RFTN1: variants seen among roughly 807,000 people sequenced by gnomAD.
The protein encoded by RFTN1 is raftlin.
RFTN1 carries 26 observed loss-of-function variants against 46.5 expected under a neutral mutation model. The ratio of observed to expected loss-of-function variants is 0.56; its 90% CI spans 0.41 to 0.78. The LOEUF (loss-of-function observed/expected upper bound fraction) is 0.78. Ranked by LOEUF, RFTN1 falls within the 30% of genes least tolerant of loss-of-function variation. RFTN1 has a pLI of 0.00. For missense variants in RFTN1, 693 were observed against 718.7 expected (o/e 0.96, Z 0.41); for synonymous variants, 261 against 284.2 (o/e 0.92, Z 0.82).
rs551958935 is a variant in RFTN1, at chr3:16,466,381, ATAG to A, written c.145+27341_145+27343del. 2.6e-5 allele frequency among the ~76,000 whole-genome samples: 4 copies of A among 152,246 alleles called. No individual in the cohort carries two copies. The highest frequency in any genetic ancestry group is 5.9e-5 in the Non-Finnish European group (4 of 68,032). ...AAATCTCTGTTGTTATTTACCTATGATAGTAAAAATATTGCAAAAATTACCAAA... is the reference window on the plus strand; with the variant it reads ...AAATCTCTGTTGTTATTTACCTATGATAAAAATATTGCAAAAATTACCAAA... On this transcript the variant is annotated intron_variant, in intron 2 of 9. Coordinates refer to ENST00000334133, the MANE Select transcript of RFTN1 (RefSeq NM_015150.2). The surrounding 1 kb of genome is among the most constrained non-coding windows in gnomAD (Gnocchi z 5.6).
intron 2 of RFTN1, among the ~76,000 whole-genome samples, chr3:16,487,231 C>G (rs2076461869): frequency 1.3e-5 from 2 of 152,252 alleles, no homozygotes; most frequent in Admixed American, 6.5e-5. Flanking sequence ...CAAATGTCCC[C>G]AAGACATGGC....
intron 3 of RFTN1, 46 bp from the exon 4 acceptor site, chr3:16,409,529 A>G: frequency 7.4e-7 from 1 of 1,355,314 alleles, no homozygotes; most frequent in Non-Finnish European, 1.1e-6. Context: ...AATATCTTGC[A>G]TAATTTGGAG....
rs2076400818 is a variant in RFTN1 at position 16,483,509 on chromosome 3, C to G, written c.145+10216G>C. Reference sequence around the variant, plus strand: ...ACAGAACCAAACCACAACACCAAGACTGACTTAATGGGTCTGGTGTGCAGC... The same window carrying G: ...ACAGAACCAAACCACAACACCAAGAGTGACTTAATGGGTCTGGTGTGCAGC... On this transcript the variant is annotated intron_variant, in intron 2 of 9. Transcript: ENST00000334133. The surrounding 1 kb of genome is among the most constrained non-coding windows in gnomAD (Gnocchi z 4.8). Among the ~76,000 whole-genome samples the G allele has an allele frequency of 6.6e-6, 1 of 152,196 alleles. No homozygotes were observed. Among genetic ancestry groups the G allele is most frequent in the Admixed American group, 6.5e-5 (1 of 15,276 alleles).
rs1052420627 is a variant in RFTN1 at position 16,442,475 on chromosome 3, A to G, written c.146-8438T>C. On this transcript the variant is annotated intron_variant, in intron 2 of 9. Transcript: ENST00000334133. The surrounding 1 kb of genome is among the most constrained non-coding windows in gnomAD (Gnocchi z 4.1). ...TAATGGATTTTTGTTGTGTATATTC[A>G]AGGTGTACAACATGATGCCTCAATG... 1.3e-5 allele frequency among the ~76,000 whole-genome samples: 2 copies of G among 152,138 alleles called. No individual in the cohort carries two copies. The highest frequency in any genetic ancestry group is 2.9e-5 in the Non-Finnish European group (2 of 68,026).
intron 7 of RFTN1, among the ~76,000 whole-genome samples, chr3:16,330,213 G>T (rs148215891): frequency 2.6e-5 from 4 of 152,306 alleles, no homozygotes; most frequent in East Asian, 3.9e-4. Flanking sequence ...GAGTTGACAA[G>T]TAAAATACAA....
rs771725465 is a variant in RFTN1, at chr3:16,433,955, G to A, written c.228C>T (p.Gly76=). 2.3e-5 allele frequency: 37 copies of A among 1,614,000 alleles called. No individual in the cohort carries two copies. Among genetic ancestry groups the A allele is most frequent in the Non-Finnish European group, 3.1e-5 (36 of 1,180,028 alleles). Residue 76 remains glycine (G), a synonymous_variant, in exon 3 of 10, where the codon GGC becomes GGT. Transcript: ENST00000334133. This position sits in a 1 kb window ranked among gnomAD's most constrained non-coding sequence, Gnocchi z 4.4. ...AGGGGTGCAGGGCCGCCAGCGAGAA[G>A]CCCTGCTGGTACAGCTCCAGGAGCT... is the stretch of plus-strand genomic sequence containing the variant. ...PAQLLELYQQ[G]FSLAALHPFV...
At position 16,317,738 on chromosome 3, in the gene RFTN1, C is replaced by A. The variant is rs1004455116; in HGVS notation, c.1333-506G>T. On this transcript the variant is annotated intron_variant, in intron 9 of 9. Transcript: ENST00000334133. The surrounding 1 kb of genome is among the most constrained non-coding windows in gnomAD (Gnocchi z 4.3). ...ACTGTGCTGTACCGCTCAGATCCCC[C>A]CACAGGACTGGCGGGCCCGCTCCCC... is the stretch of plus-strand genomic sequence containing the variant. 6.6e-6 allele frequency among the ~76,000 whole-genome samples: 1 copy of A among 151,044 alleles called. No individual in the cohort carries two copies.
Position 16,481,220 on chromosome 3 carries a change from A to G in RFTN1, c.145+12505T>C, listed in dbSNP as rs1045746521. Among the ~76,000 whole-genome samples the G allele has an allele frequency of 1.6e-4, 25 of 152,210 alleles. No homozygotes were observed. The highest frequency in any genetic ancestry group is 5.8e-4 in the African/African-American group (24 of 41,448). Reference sequence around the variant, plus strand: ...ATATTTAACAATAACACTAACGCTAATAGCAGACTTGGTCGCAACATCAAA... The same window carrying G: ...ATATTTAACAATAACACTAACGCTAGTAGCAGACTTGGTCGCAACATCAAA... On this transcript the variant is annotated intron_variant, in intron 2 of 9. Transcript: ENST00000334133. The surrounding 1 kb of genome is among the most constrained non-coding windows in gnomAD (Gnocchi z 5.1).
rs1256143754 is a variant in RFTN1, at chr3:16,475,199, T to C, written c.145+18526A>G. 1.3e-5 allele frequency among the ~76,000 whole-genome samples: 2 copies of C among 152,240 alleles called. No individual in the cohort carries two copies. Among genetic ancestry groups the C allele is most frequent in the Non-Finnish European group, 1.5e-5 (1 of 68,042 alleles). ...CCTGGAAGCCCTCACCAGAAGCAGA[T>C]GCTGACGCCATGCTTCTTGTACAGC... On this transcript the variant is annotated intron_variant, in intron 2 of 9. Coordinates refer to ENST00000334133, the MANE Select transcript of RFTN1 (RefSeq NM_015150.2). This position sits in a 1 kb window ranked among gnomAD's most constrained non-coding sequence, Gnocchi z 4.2.
chr3:16,395,751 C>T (rs534450386), intron 4 of RFTN1, among the ~76,000 whole-genome samples: 1 of 152,232 alleles, frequency 6.6e-6, no homozygotes, highest in African/African-American at 2.4e-5. Flanking sequence ...CTGTTAAGTA[C>T]AACTTTACTT....
At chr3:16,330,168 C>A (rs2070167652) in intron 7 of RFTN1, among the ~76,000 whole-genome samples, 1 of 152,182 alleles carries the variant, frequency 6.6e-6, no homozygotes, top group Admixed American at 6.5e-5. Flanking sequence ...GCTGAAGGTT[C>A]AATCTCACGT....
chr3:16,377,604 G>T (rs2073825981), intron 5 of RFTN1, 114 bp downstream of exon 5: 4 of 1,466,274 alleles, frequency 2.7e-6, no homozygotes, highest in Non-Finnish European at 2.7e-6. Context: ...TTGATGGACT[G>T]CTGTCTCTAC....
chr3:16,382,173 T>G lies in RFTN1; in HGVS notation c.442-4071A>C, dbSNP rs971082181. 6.6e-6 allele frequency among the ~76,000 whole-genome samples: 1 copy of G among 152,174 alleles called. No individual in the cohort carries two copies. Among genetic ancestry groups the G allele is most frequent in the Non-Finnish European group, 1.5e-5 (1 of 68,024 alleles). On this transcript the variant is annotated intron_variant, in intron 4 of 9. Transcript: ENST00000334133. The surrounding 1 kb of genome is among the most constrained non-coding windows in gnomAD (Gnocchi z 4.7). Reference sequence around the variant, plus strand: ...GATTCCTGGAAGTAGAATTAATGAATGAAGGGATATTAACTTTTCAAAGGC... The same window carrying G: ...GATTCCTGGAAGTAGAATTAATGAAGGAAGGGATATTAACTTTTCAAAGGC...
In RFTN1 at chr3:16,334,187, A is replaced by C. The variant is rs185762482; in HGVS notation, c.1147-7311T>G. ...CTCAAAACAAAAACAAAAACAAAAA[A>C]CAACAACAAAAAATACCCTGAGATA... On this transcript the variant is annotated intron_variant, in intron 7 of 9. Coordinates refer to ENST00000334133, the MANE Select transcript of RFTN1 (RefSeq NM_015150.2). The surrounding 1 kb of genome is among the most constrained non-coding windows in gnomAD (Gnocchi z 4.3). 1.8e-4 allele frequency among the ~76,000 whole-genome samples: 28 copies of C among 152,196 alleles called. No homozygotes were observed. The highest frequency in any genetic ancestry group is 3.2e-4 in the Non-Finnish European group (22 of 67,988).
chr3:16,497,067 T>C (rs1165700433), intron 1 of RFTN1, among the ~76,000 whole-genome samples: 1 of 152,132 alleles, frequency 6.6e-6, no homozygotes, highest in African/African-American at 2.4e-5. Flanking sequence ...CCAGTTACCC[T>C]TGGGAGAACA....
At position 16,344,077 on chromosome 3, in the gene RFTN1, G is replaced by T. The variant is rs564972629; in HGVS notation, c.1146+13855C>A. 6.6e-6 allele frequency among the ~76,000 whole-genome samples: 1 copy of T among 152,350 alleles called. No homozygotes were observed. Among genetic ancestry groups the T allele is most frequent in the African/African-American group, 2.4e-5 (1 of 41,582 alleles). On this transcript the variant is annotated intron_variant, in intron 7 of 9. Transcript: ENST00000334133. The surrounding 1 kb of genome is among the most constrained non-coding windows in gnomAD (Gnocchi z 4.4). ...AGCCCAGAGCACTTGGAGGGAAGCAGTAGAGACATTCTTGGCCTGTATTAA... is the reference window on the plus strand; with the variant it reads ...AGCCCAGAGCACTTGGAGGGAAGCATTAGAGACATTCTTGGCCTGTATTAA...
intron 6 of RFTN1, among the ~76,000 whole-genome samples, chr3:16,367,386 A>G (rs1047251023): frequency 2.6e-5 from 4 of 152,210 alleles, no homozygotes; most frequent in Admixed American, 6.5e-5. Context: ...CCCAGGAAGC[A>G]TTACTCCCAG....
At position 16,509,105 on chromosome 3, in the gene RFTN1, A is replaced by C. The variant is rs538019026; in HGVS notation, c.-9+4337T>G. 1.1e-4 allele frequency among the ~76,000 whole-genome samples: 16 copies of C among 152,334 alleles called. No homozygotes were observed. In the South Asian group the frequency reaches 3.3e-3, roughly 32 times the overall value. ...GTTCCTTCAATAAAATTGTAATCCT[A>C]ATCAACCAATAATATTTTAAATTAT... On this transcript the variant is annotated intron_variant, in intron 1 of 9. Transcript: ENST00000334133. The surrounding 1 kb of genome is among the most constrained non-coding windows in gnomAD (Gnocchi z 4.9).
Position 16,387,910 on chromosome 3 carries a change from C to G in RFTN1, c.442-9808G>C, listed in dbSNP as rs1447828205. Among the ~76,000 whole-genome samples the G allele has an allele frequency of 3.9e-5, 6 of 152,288 alleles. No individual in the cohort carries two copies. In the East Asian group the frequency reaches 1.2e-3, roughly 29 times the overall value. The stretch of plus-strand genomic sequence containing the variant: ...CTGGAGATGCTCTTCCTTGGCCTCA[C>G]CACCACCTTTCTGCTGGTTTTCTTC... On this transcript the variant is annotated intron_variant, in intron 4 of 9. Transcript: ENST00000334133. The surrounding 1 kb of genome is among the most constrained non-coding windows in gnomAD (Gnocchi z 5.2).
Sources: gnomAD v4.1 joint callset for allele counts (sites outside exome capture counted in the v4.1 genomes callset) on GRCh38, gnomAD v4.1.1 for gene constraint, Gnocchi (gnomAD v3.1) non-coding constraint, MANE v1.5 for transcripts, NCBI Gene and HGNC (gene_info 2026-07-23, HGNC 2026-07-21) for gene names.